TAFA5: variants seen among roughly 807,000 people sequenced by gnomAD.
TAFA5 encodes the protein TAFA chemokine like family member 5.
TAFA5 carries 6 observed loss-of-function variants against 15.3 expected under a neutral mutation model. The ratio of observed to expected loss-of-function variants is 0.39; its 90% confidence interval spans 0.21 to 0.77. The LOEUF (loss-of-function observed/expected upper bound fraction) is 0.77, where lower values mean the gene tolerates loss of function less well. TAFA5 is among the 30% of genes least tolerant of loss of function. The pLI is 0.41. For missense variants in TAFA5, 161 were observed against 193.1 expected, an observed-to-expected ratio of 0.83 and a Z score of 0.98; for synonymous variants, 103 against 80.7, an observed-to-expected ratio of 1.28 and a Z score of -1.48.
At chr22:48,665,350 T>G (rs1927575395) in intron 2 of TAFA5, among the ~76,000 whole-genome samples, 1 of 152,214 alleles carries the variant, frequency 6.6e-6, no homozygotes, top group Non-Finnish European at 1.5e-5. Context: ...CTTATTTGCT[T>G]AATGGTACAT....
chr22:48,507,040 C>T (rs577175466), intron 1 of TAFA5, among the ~76,000 whole-genome samples: 3 of 151,298 alleles, frequency 2.0e-5, no homozygotes, highest in Non-Finnish European at 4.4e-5. Context: ...GGGACAGCCG[C>T]CAAGAGCCAG....
intron 1 of TAFA5, among the ~76,000 whole-genome samples, chr22:48,640,643 C>T (rs1926640674): frequency 6.6e-6 from 1 of 152,210 alleles, no homozygotes; most frequent in Non-Finnish European, 1.5e-5. Context: ...AGTGTGCAAG[C>T]TCCCCCAGCC....
intron 2 of TAFA5, among the ~76,000 whole-genome samples, chr22:48,687,862 G>C (rs1389574436): frequency 6.6e-6 from 1 of 152,180 alleles, no homozygotes; most frequent in African/African-American, 2.4e-5. Context: ...CCAGCACTTA[G>C]CGCCTGGGAC....
intron 3 of TAFA5, among the ~76,000 whole-genome samples, chr22:48,736,982 TGCA>T (rs1236951755): frequency 6.6e-6 from 1 of 152,224 alleles, no homozygotes; most frequent in Non-Finnish European, 1.5e-5. Flanking sequence ...TCAATAAAAC[TGCA>T]GCACACAGGT....
chr22:48,709,746 G>A (rs1929194584), intron 3 of TAFA5, among the ~76,000 whole-genome samples: 1 of 152,224 alleles, frequency 6.6e-6, no homozygotes. Context: ...GTTCACCGGG[G>A]TGGGAAGTCA....
intron 3 of TAFA5, among the ~76,000 whole-genome samples, chr22:48,734,767 G>A (rs112779456): frequency 0.019 from 2,951 of 152,342 alleles, 85 homozygotes; most frequent in African/African-American, 0.067. Context: ...GAGGTGATAC[G>A]GATGTCGTGA....
At chr22:48,557,010 C>T (rs112632460) in intron 1 of TAFA5, among the ~76,000 whole-genome samples, 5 of 152,182 alleles carry the variant, frequency 3.3e-5, no homozygotes, top group Admixed American at 6.5e-5. Context: ...GGGCTGCAGC[C>T]GGGCCTGGCG....
At chr22:48,664,827 T>A (rs1034538414) in intron 2 of TAFA5, among the ~76,000 whole-genome samples, 3 of 152,234 alleles carry the variant, frequency 2.0e-5, no homozygotes, top group African/African-American at 7.2e-5. Context: ...GCCATCTATC[T>A]GTCTGTGCCA....
intron 1 of TAFA5, among the ~76,000 whole-genome samples, chr22:48,634,684 ATCACTCAGTCAG>A (rs1926382080): frequency 6.7e-6 from 1 of 148,392 alleles, no homozygotes; most frequent in Non-Finnish European, 1.5e-5. Context: ...CACTCAGTCA[ATCACTCAGTCAG>A]TCATTCATTC....
chr22:48,660,702 C>T (rs1236382136), intron 2 of TAFA5, among the ~76,000 whole-genome samples: 5 of 152,346 alleles, frequency 3.3e-5, no homozygotes, highest in African/African-American at 9.6e-5. Context: ...CACTGGGCTC[C>T]GCCCTGGCTC....
rs528039629 is a variant in TAFA5, at chr22:48,546,311, G to A, written c.112+56607G>A. On this transcript the variant is annotated intron_variant, in intron 1 of 3. Coordinates refer to ENST00000402357, the MANE Select transcript of TAFA5 (RefSeq NM_001082967.3). ...TGACGGCATTGTCAGTCCTCATGTT[G>A]TGCCTGCCCGTCCCAGGGCAAGGTG... 2.6e-5 allele frequency among the ~76,000 whole-genome samples: 4 copies of A among 152,330 alleles called. No homozygotes were observed. The East Asian group carries it at 7.7e-4, about 29-fold the overall frequency.
chr22:48,695,182 G>A (rs2147241534), intron 2 of TAFA5, among the ~76,000 whole-genome samples: 1 of 152,126 alleles, frequency 6.6e-6, no homozygotes, highest in South Asian at 2.1e-4. Context: ...GTGTGTGTGT[G>A]ATTTGTATGT....
chr22:48,566,453 A>G lies in TAFA5; in HGVS notation c.112+76749A>G, dbSNP rs1261491613. Among the ~76,000 whole-genome samples the G allele has an allele frequency of 2.0e-5, 3 of 151,310 alleles. No homozygotes were observed. The highest frequency in any genetic ancestry group is 4.4e-5 in the Non-Finnish European group (3 of 67,816). On this transcript the variant is annotated intron_variant, in intron 1 of 3. Transcript: ENST00000402357. This position sits in a 1 kb window ranked among gnomAD's most constrained non-coding sequence, Gnocchi z 4.5. The stretch of plus-strand genomic sequence containing the variant: ...TAGATGGGTGATGAATGATTGATTG[A>G]TGGAGGGATGGATGTTGGATGGGTG...
intron 1 of TAFA5, among the ~76,000 whole-genome samples, chr22:48,577,512 C>T (rs766361321): frequency 6.6e-6 from 1 of 152,196 alleles, no homozygotes; most frequent in Admixed American, 6.5e-5. Context: ...GCCTGGTGCT[C>T]CCCTTGGTCC....
chr22:48,569,453 G>A (rs1923510665), intron 1 of TAFA5, among the ~76,000 whole-genome samples: 2 of 152,272 alleles, frequency 1.3e-5, no homozygotes, highest in Non-Finnish European at 2.9e-5. Context: ...GGGATGGCTG[G>A]TCTGATAGTG....
intron 2 of TAFA5, among the ~76,000 whole-genome samples, chr22:48,692,090 GC>G (rs1270428320): frequency 2.0e-5 from 3 of 152,148 alleles, no homozygotes; most frequent in Non-Finnish European, 4.4e-5. Flanking sequence ...GGGGCAGTGT[GC>G]CAGGGGGAGG....
chr22:48,544,810 C>A, intron 1 of TAFA5: 1 of 471,264 alleles, frequency 2.1e-6, no homozygotes, highest in Non-Finnish European at 4.4e-6. Flanking sequence ...GGCCTGCAAA[C>A]AAGGTGTGGC....
chr22:48,615,198 T>C (rs1231259529), intron 1 of TAFA5, among the ~76,000 whole-genome samples: 2 of 152,058 alleles, frequency 1.3e-5, no homozygotes, highest in African/African-American at 4.8e-5. Context: ...GAGAGCTGCG[T>C]TGGGGAAGAC....
intron 1 of TAFA5, among the ~76,000 whole-genome samples, chr22:48,591,733 C>A (rs1452740893): frequency 1.3e-5 from 2 of 152,088 alleles, no homozygotes; most frequent in African/African-American, 4.8e-5. Flanking sequence ...GCCAGCTGAG[C>A]CCTGAACTGA....
Sources: gnomAD v4.1 joint callset for allele counts (sites outside exome capture counted in the v4.1 genomes callset) on GRCh38, gnomAD v4.1.1 for gene constraint, Gnocchi (gnomAD v3.1) non-coding constraint, MANE v1.5 for transcripts, NCBI Gene and HGNC (gene_info 2026-07-23, HGNC 2026-07-21) for gene names.